Variants in CDH2 observed in about 807,000 individuals in gnomAD.
CDH2 encodes cadherin-2.
In CDH2, 17 loss-of-function variants were observed where a neutral mutation model predicts 92.0. That is an observed-to-expected ratio of 0.18 (90% CI 0.13 to 0.28). CDH2 has a LOEUF of 0.28. Ranked by LOEUF, CDH2 falls within the 10% of genes least tolerant of loss-of-function variation. CDH2 has a pLI of 1.00. For synonymous variants in CDH2, 419 were observed against 415.9 expected, an observed-to-expected ratio of 1.01 and a Z score of -0.09; for missense variants, 862 against 1,133.1, an observed-to-expected ratio of 0.76 and a Z score of 3.44.
intron 2 of CDH2, among the ~76,000 whole-genome samples, chr18:28,121,951 G>T (rs1210181493): frequency 6.6e-6 from 1 of 152,018 alleles, no homozygotes; most frequent in Non-Finnish European, 1.5e-5. Flanking sequence ...GATTTCCTTC[G>T]GTAGAGAAAG....
chr18:28,029,009 T>A (rs2013627363), intron 2 of CDH2, among the ~76,000 whole-genome samples: 1 of 152,178 alleles, frequency 6.6e-6, no homozygotes, highest in Non-Finnish European at 1.5e-5. Context: ...AATATTATCA[T>A]GTAACCAGGA....
At chr18:28,123,188 G>A (rs917314023) in intron 2 of CDH2, among the ~76,000 whole-genome samples, 1 of 152,120 alleles carries the variant, frequency 6.6e-6, no homozygotes, top group Admixed American at 6.6e-5. Flanking sequence ...CTCACTAAAA[G>A]CAAATCCTGA....
rs966569762 is a variant in CDH2 at position 27,991,627 on chromosome 18, A to T, written c.1344+1028T>A. Reference sequence around the variant, plus strand: ...GTTATCAGCCCCTTTCTGCATAAGAAACCTAGAATTTACAGTGGTTAAATA... The same window carrying T: ...GTTATCAGCCCCTTTCTGCATAAGATACCTAGAATTTACAGTGGTTAAATA... On this transcript the variant is annotated intron_variant, in intron 9 of 15. Coordinates refer to ENST00000269141, the MANE Select transcript of CDH2 (RefSeq NM_001792.5). Among the ~76,000 whole-genome samples the T allele has an allele frequency of 5.9e-5, 9 of 152,294 alleles. No homozygotes were observed. The South Asian group carries it at 1.2e-3, about 21-fold the overall frequency.
At chr18:28,087,821 A>G (rs990317113) in intron 2 of CDH2, among the ~76,000 whole-genome samples, 2 of 152,124 alleles carry the variant, frequency 1.3e-5, no homozygotes, top group African/African-American at 4.8e-5. Context: ...AAACAAAACA[A>G]AACAAAAAAT....
intron 14 of CDH2, among the ~76,000 whole-genome samples, chr18:27,981,761 G>T (rs2847364): frequency 6.6e-6 from 1 of 152,220 alleles, no homozygotes. Flanking sequence ...CAATTAGCAG[G>T]CTTATCAATA....
intron 8 of CDH2, among the ~76,000 whole-genome samples, chr18:27,993,256 T>C (rs563860808): frequency 1.3e-5 from 2 of 152,296 alleles, no homozygotes; most frequent in African/African-American, 4.8e-5. Flanking sequence ...GCACAGTCTT[T>C]TTAGGACGTG....
chr18:28,106,437 G>T (rs1192229556), intron 2 of CDH2, among the ~76,000 whole-genome samples: 1 of 150,306 alleles, frequency 6.7e-6, no homozygotes, highest in Admixed American at 6.6e-5. Context: ...AAAAAAAAAA[G>T]TGTTATATCT....
At chr18:28,123,961 T>TAA (rs2015633879) in intron 2 of CDH2, among the ~76,000 whole-genome samples, 1 of 152,168 alleles carries the variant, frequency 6.6e-6, no homozygotes, top group Non-Finnish European at 1.5e-5. Flanking sequence ...AAACTTATGT[T>TAA]AAATTCAAAG....
intron 11 of CDH2, among the ~76,000 whole-genome samples, chr18:27,986,218 C>G (rs2012228736): frequency 6.6e-6 from 1 of 152,140 alleles, no homozygotes. Context: ...TGACTTAACG[C>G]AACAGTCTAC....
chr18:27,961,390 C>A (rs1459481633), intron 15 of CDH2, among the ~76,000 whole-genome samples: 4 of 151,862 alleles, frequency 2.6e-5, no homozygotes, highest in Non-Finnish European at 5.9e-5. Context: ...GGGCTATGAC[C>A]CGAGGGGCAA....
intron 14 of CDH2, among the ~76,000 whole-genome samples, chr18:27,969,571 T>C (rs1369556984): frequency 1.3e-5 from 2 of 152,254 alleles, no homozygotes; most frequent in Non-Finnish European, 2.9e-5. Flanking sequence ...AAATGTGGCA[T>C]ATACACACTT....
intron 2 of CDH2, among the ~76,000 whole-genome samples, chr18:28,144,747 C>G (rs1422398185): frequency 6.6e-6 from 1 of 152,016 alleles, no homozygotes; most frequent in Non-Finnish European, 1.5e-5. Context: ...GAACTATCTT[C>G]AAAGAGTGGA....
At chr18:28,124,799 GCCA>G (rs2015650121) in intron 2 of CDH2, among the ~76,000 whole-genome samples, 1 of 152,152 alleles carries the variant, frequency 6.6e-6, no homozygotes, top group Non-Finnish European at 1.5e-5. Flanking sequence ...TATGGGTTTG[GCCA>G]CTAAATAGCT....
At chr18:28,040,797 G>C (rs1211648148) in intron 2 of CDH2, among the ~76,000 whole-genome samples, 1 of 152,202 alleles carries the variant, frequency 6.6e-6, no homozygotes, top group African/African-American at 2.4e-5. Context: ...AGTGTAGTGA[G>C]AGCACAACAA....
intron 1 of CDH2, among the ~76,000 whole-genome samples, chr18:28,148,280 GATA>G (rs2016069297): frequency 6.6e-6 from 1 of 152,142 alleles, no homozygotes; most frequent in East Asian, 1.9e-4. Context: ...CAGTGGGACA[GATA>G]ATATTTTATA....
intron 2 of CDH2, among the ~76,000 whole-genome samples, chr18:28,048,547 A>G (rs1010785156): frequency 6.6e-6 from 1 of 152,218 alleles, no homozygotes; most frequent in Admixed American, 6.5e-5. Flanking sequence ...CCCAAAGCAT[A>G]CAAAGTGGGC....
chr18:28,029,758 C>T (rs116801452), intron 2 of CDH2, among the ~76,000 whole-genome samples: 35 of 152,174 alleles, frequency 2.3e-4, no homozygotes, highest in African/African-American at 7.5e-4. Flanking sequence ...CTTAGGTGCA[C>T]GGCTGCTCTA....
At chr18:28,145,672 C>T (rs560355281) in intron 2 of CDH2, among the ~76,000 whole-genome samples, 28 of 152,116 alleles carry the variant, frequency 1.8e-4, no homozygotes, top group African/African-American at 6.0e-4. Flanking sequence ...GCTGATGTTC[C>T]ACAAAAGCCT....
intron 14 of CDH2, among the ~76,000 whole-genome samples, chr18:27,976,906 T>C (rs1261121337): frequency 1.3e-5 from 2 of 152,190 alleles, no homozygotes; most frequent in Non-Finnish European, 2.9e-5. Flanking sequence ...TGAAAGGGGA[T>C]GGTCCCAGGG....
Sources: gnomAD v4.1 joint callset for allele counts (sites outside exome capture counted in the v4.1 genomes callset) on GRCh38, gnomAD v4.1.1 for gene constraint, MANE v1.5 for transcripts, NCBI Gene and HGNC (gene_info 2026-07-23, HGNC 2026-07-21) for gene names.